The following NDUFAF3 variants were observed in gnomAD, a reference collection of about 807,000 sequenced individuals.
NDUFAF3 encodes the protein NADH dehydrogenase [ubiquinone] 1 alpha subcomplex assembly factor 3.
In NDUFAF3, 21 loss-of-function variants were observed where a neutral mutation model predicts 22.6. That is an observed-to-expected ratio of 0.93 (90% confidence interval 0.66 to 1.34). The LOEUF is 1.34. Among genes scored for constraint, NDUFAF3 ranks in the 40% most tolerant of loss-of-function variants. NDUFAF3 has a pLI of 0.00. For missense variants in NDUFAF3, 251 were observed against 248.4 expected (o/e 1.01, Z -0.07); for synonymous variants, 113 against 104.9 (o/e 1.08, Z -0.47).
At chr3:49,020,644 A>AG (rs775175307), upstream of NDUFAF3, 3 of 488,294 alleles carry the variant, frequency 6.1e-6, no homozygotes, top group Admixed American at 4.5e-5. Flanking sequence ...GACGAAATCC[A>AG]AGCGCAGCTG....
chr3:49,020,721 CG>C (rs761775580), upstream of NDUFAF3: 4 of 477,484 alleles, frequency 8.4e-6, no homozygotes, highest in Non-Finnish European at 1.7e-5. Context: ...TGGCGGGGGG[CG>C]GGGGAGCTCC....
chr3:49,022,325 C>G lies in NDUFAF3; in HGVS notation c.78-21C>G. ...GGGCTGCCCGGCCCGGCCCCGCGCCCCTGACCCTTTCCCTCCGCAGGGCCC... is the reference window on the plus strand; with the variant it reads ...GGGCTGCCCGGCCCGGCCCCGCGCCGCTGACCCTTTCCCTCCGCAGGGCCC... On this transcript the variant is annotated intron_variant, in intron 1 of 4. Coordinates refer to ENST00000326925, the MANE Select transcript of NDUFAF3 (RefSeq NM_199069.2). This position sits in a 1 kb window ranked among gnomAD's most constrained non-coding sequence, Gnocchi z 6.6. The G allele has an allele frequency of 3.1e-6, 5 of 1,610,166 alleles. No individual in the cohort carries two copies. The highest frequency in any genetic ancestry group is 4.2e-6 in the Non-Finnish European group (5 of 1,179,548).
rs778471137 is a variant in NDUFAF3 at position 49,022,311 on chromosome 3, C to T, written c.78-35C>T. ...CCTTCCGGCCTCTCGGGCTGCCCGG[C>T]CCGGCCCCGCGCCCCTGACCCTTTC... is the stretch of plus-strand genomic sequence containing the variant. On this transcript the variant is annotated intron_variant, in intron 1 of 4. Transcript: ENST00000326925. The surrounding 1 kb of genome is among the most constrained non-coding windows in gnomAD (Gnocchi z 6.6). The T allele has an allele frequency of 3.6e-5, 58 of 1,607,154 alleles. No individual in the cohort carries two copies. The highest frequency in any genetic ancestry group is 4.0e-5 in the Non-Finnish European group (47 of 1,178,258).
In NDUFAF3 at chr3:49,022,349, CCCGCGGCGAGGGCATCGGCT is replaced by C; in HGVS notation, c.83_102del (p.Pro28LeufsTer5). On this transcript the variant is annotated frameshift_variant, in exon 2 of 5. Transcript: ENST00000326925. LOFTEE classifies it high-confidence loss of function. The surrounding 1 kb of genome is among the most constrained non-coding windows in gnomAD (Gnocchi z 6.6). ...CCCTGACCCTTTCCCTCCGCAGGGC[CCCGCGGCGAGGGCATCGGCT>C]CTCGCCGGCGGATGACGAGCTGTAT... is the stretch of plus-strand genomic sequence containing the variant. 1 of 1,611,782 alleles carries C rather than the reference CCCGCGGCGAGGGCATCGGCT, an allele frequency of 6.2e-7. No homozygotes were observed. Among genetic ancestry groups the C allele is most frequent in the Non-Finnish European group, 8.5e-7 (1 of 1,179,898 alleles).
chr3:49,022,113 C>T (rs1326681036), upstream of NDUFAF3: 1 of 1,596,246 alleles, frequency 6.3e-7, no homozygotes, highest in Admixed American at 1.7e-5. This position sits in a 1 kb window ranked among gnomAD's most constrained non-coding sequence, Gnocchi z 6.6. Context: ...ACTAACGGCG[C>T]CGGTGACGAC....
chr3:49,022,475 G>A lies in NDUFAF3; in HGVS notation c.207G>A (p.Met69Ile). Residue 69 changes from methionine to isoleucine, a missense_variant, in exon 2 of 5, where the codon ATG (methionine) becomes ATA (isoleucine). Physicochemically the swap from Met to Ile is conservative, Grantham distance 10 (BLOSUM62 1). Coordinates refer to ENST00000326925, the MANE Select transcript of NDUFAF3 (RefSeq NM_199069.2). The surrounding 1 kb of genome is among the most constrained non-coding windows in gnomAD (Gnocchi z 6.6). ...ACAGCTACAACAGCCGCGGCTTCATGATAAACGGAAACCGCGTGCTCGGCC... is the reference window on the plus strand; with the variant it reads ...ACAGCTACAACAGCCGCGGCTTCATAATAAACGGAAACCGCGTGCTCGGCC... The part of the protein sequence containing the change: ...YIDSYNSRGF[M>I]INGNRVLGPC... The A allele has an allele frequency of 6.2e-7, 1 of 1,613,162 alleles. No homozygotes were observed. The highest frequency in any genetic ancestry group is 8.5e-7 in the Non-Finnish European group (1 of 1,179,996).
In NDUFAF3 at chr3:49,022,387, A is replaced by T. The variant is rs772236113; in HGVS notation, c.119A>T (p.Glu40Val). The change falls in exon 2 of 5, where the codon GAG (glutamate) becomes GTG (valine). Residue 40 changes from glutamate (E) to valine (V), a missense_variant. Glu to Val is a moderately radical substitution (Grantham distance 121). Coordinates refer to ENST00000326925, the MANE Select transcript of NDUFAF3 (RefSeq NM_199069.2). The surrounding 1 kb of genome is among the most constrained non-coding windows in gnomAD (Gnocchi z 6.6). ...RGHRLSPADD[E>V]LYQRTRISLL... ...CATCGGCTCTCGCCGGCGGATGACG[A>T]GCTGTATCAGCGGACGCGCATCTCT... The T allele has an allele frequency of 6.2e-7, 1 of 1,612,752 alleles. No homozygotes were observed. Among genetic ancestry groups the T allele is most frequent in the South Asian group, 1.1e-5 (1 of 91,088 alleles).
rs1205785718 is a variant in NDUFAF3, at chr3:49,022,349, C to CCCGCGGCGA, written c.82_90dup (p.Pro28_Arg30dup). On this transcript the variant is annotated inframe_insertion, in exon 2 of 5. Transcript: ENST00000326925. This position sits in a 1 kb window ranked among gnomAD's most constrained non-coding sequence, Gnocchi z 6.6. ...CCCTGACCCTTTCCCTCCGCAGGGC[C>CCCGCGGCGA]CCGCGGCGAGGGCATCGGCTCTCGC... 3.1e-6 allele frequency: 5 copies of CCCGCGGCGA among 1,611,782 alleles called. No individual in the cohort carries two copies. The highest frequency in any genetic ancestry group is 4.2e-6 in the Non-Finnish European group (5 of 1,179,898).
At chr3:49,022,053 G>A, upstream of NDUFAF3, 3 of 1,368,746 alleles carry the variant, frequency 2.2e-6, no homozygotes, top group Non-Finnish European at 3.0e-6. This position sits in a 1 kb window ranked among gnomAD's most constrained non-coding sequence, Gnocchi z 6.6. Flanking sequence ...GACGCAGGGG[G>A]CGCTGCAGCC....
upstream of NDUFAF3, chr3:49,020,529 G>C (rs561404673): frequency 2.3e-6 from 1 of 436,290 alleles, no homozygotes; most frequent in African/African-American, 2.0e-5. Flanking sequence ...TCCAGCCTGA[G>C]GGCGCAACTG....
Position 49,022,257 on chromosome 3 carries a change from C to T in NDUFAF3, c.77+36C>T. On this transcript the variant is annotated intron_variant, in intron 1 of 4. Coordinates refer to ENST00000326925, the MANE Select transcript of NDUFAF3 (RefSeq NM_199069.2). The surrounding 1 kb of genome is among the most constrained non-coding windows in gnomAD (Gnocchi z 6.6). ...ACCCCGCGCCCTCGACCATCCAGCCCCCTAGGGCCGGCGACTGCCAGCCCA... is the reference window on the plus strand; with the variant it reads ...ACCCCGCGCCCTCGACCATCCAGCCTCCTAGGGCCGGCGACTGCCAGCCCA... The T allele has an allele frequency of 3.1e-6, 5 of 1,609,346 alleles. No homozygotes were observed. The East Asian group carries it at 1.1e-4, about 36-fold the overall frequency.
In NDUFAF3 at chr3:49,023,099, G is replaced by A; in HGVS notation, c.482G>A (p.Arg161Gln). 1 of 1,614,142 alleles carries A rather than the reference G, an allele frequency of 6.2e-7. No homozygotes were observed. Among genetic ancestry groups the A allele is most frequent in the South Asian group, 1.1e-5 (1 of 91,070 alleles). ...TTCAACTTCCTGTGTCATGAAGGCC[G>A]AGTAACTGGAGCTGCTCTCATCCCT... ...ATFNFLCHEG[R>Q]VTGAALIPPP... The change falls in exon 5 of 5, where the codon CGA (arginine) becomes CAA (glutamine). Residue 161 changes from arginine to glutamine, a missense_variant. Coordinates refer to ENST00000326925, the MANE Select transcript of NDUFAF3 (RefSeq NM_199069.2).
chr3:49,022,308 C>T lies in NDUFAF3; in HGVS notation c.78-38C>T, dbSNP rs1356466609. ...GCACCTTCCGGCCTCTCGGGCTGCC[C>T]GGCCCGGCCCCGCGCCCCTGACCCT... On this transcript the variant is annotated intron_variant, in intron 1 of 4. Coordinates refer to ENST00000326925, the MANE Select transcript of NDUFAF3 (RefSeq NM_199069.2). The surrounding 1 kb of genome is among the most constrained non-coding windows in gnomAD (Gnocchi z 6.6). 7 of 1,606,940 alleles carry T rather than the reference C, an allele frequency of 4.4e-6. No homozygotes were observed. The highest frequency in any genetic ancestry group is 5.1e-6 in the Non-Finnish European group (6 of 1,178,074).
At chr3:49,022,114 C>G (rs2093163802), upstream of NDUFAF3, 5 of 1,596,850 alleles carry the variant, frequency 3.1e-6, no homozygotes, top group Non-Finnish European at 4.3e-6. The surrounding 1 kb of genome is among the most constrained non-coding windows in gnomAD (Gnocchi z 6.6). Context: ...CTAACGGCGC[C>G]GGTGACGACT....
upstream of NDUFAF3, chr3:49,021,077 GGCCTTTGTCCGGTGAC>G (rs2093152125): frequency 6.3e-6 from 1 of 158,334 alleles, no homozygotes; most frequent in African/African-American, 2.4e-5. This position sits in a 1 kb window ranked among gnomAD's most constrained non-coding sequence, Gnocchi z 4.1. Context: ...CGCGCTCGGT[GGCCTTTGTCCGGTGAC>G]GCTGCCAGCG....
rs779641158 is a variant in NDUFAF3, at chr3:49,022,923, C to T, written c.385C>T (p.Gln129Ter). 4 of 1,614,016 alleles carry T rather than the reference C, an allele frequency of 2.5e-6. No individual in the cohort carries two copies. Among genetic ancestry groups the T allele is most frequent in the South Asian group, 2.2e-5 (2 of 91,082 alleles). ...AGACCGGACCGAGAGGCTGCAGTCC[C>T]AGGTGCTTCAAGCCATGAGGCAGCG... is the stretch of plus-strand genomic sequence containing the variant. ...TGDRTERLQS[Q>*]VLQAMRQRGI... Residue 129 changes from glutamine to a stop codon, truncating the protein, a stop_gained, in exon 4 of 5, where the codon CAG (glutamine) becomes TAG (stop). Coordinates refer to ENST00000326925, the MANE Select transcript of NDUFAF3 (RefSeq NM_199069.2). LOFTEE classifies it high-confidence loss of function. The surrounding 1 kb of genome is among the most constrained non-coding windows in gnomAD (Gnocchi z 6.6).
chr3:49,022,645 G>GA lies in NDUFAF3; in HGVS notation c.271-56dup. ...CCTCTGTCTCCTCCTGCAGTGGATG[G>GA]AGATGGGGAGAGGCTGCGTGGATTT... On this transcript the variant is annotated intron_variant, in intron 2 of 4. Coordinates refer to ENST00000326925, the MANE Select transcript of NDUFAF3 (RefSeq NM_199069.2). The surrounding 1 kb of genome is among the most constrained non-coding windows in gnomAD (Gnocchi z 6.6). 5 of 1,613,466 alleles carry GA rather than the reference G, an allele frequency of 3.1e-6. No homozygotes were observed. Among genetic ancestry groups the GA allele is most frequent in the Non-Finnish European group, 4.2e-6 (5 of 1,179,558 alleles).
chr3:49,022,758 G>T lies in NDUFAF3; in HGVS notation c.327G>T (p.Glu109Asp). The change falls in exon 3 of 5, where the codon GAG (glutamate) becomes GAT (aspartate). Residue 109 changes from glutamate to aspartate, a missense_variant. By Grantham distance (45) the Glu-to-Asp change is conservative. Transcript: ENST00000326925. This position sits in a 1 kb window ranked among gnomAD's most constrained non-coding sequence, Gnocchi z 6.6. ...EDSFSLFWLL[E>D]PRIEIVVVGT... ...GCTTTTCCCTCTTCTGGTTGCTGGA[G>T]CCCCGGATAGGTACTGGGGAAGGGG... 2 of 1,614,052 alleles carry T rather than the reference G, an allele frequency of 1.2e-6. No individual in the cohort carries two copies. The highest frequency in any genetic ancestry group is 8.5e-7 in the Non-Finnish European group (1 of 1,180,032).
upstream of NDUFAF3, chr3:49,021,197 C>T (rs940705214): frequency 6.5e-6 from 1 of 152,710 alleles, no homozygotes; most frequent in African/African-American, 2.4e-5. The surrounding 1 kb of genome is among the most constrained non-coding windows in gnomAD (Gnocchi z 4.1). Context: ...CCACCAGGCT[C>T]CCACTGTGCC....
Sources: allele counts gnomAD v4.1 joint callset, GRCh38; gene constraint gnomAD v4.1.1; non-coding constraint Gnocchi (gnomAD v3.1); transcripts MANE v1.5; gene names NCBI Gene and HGNC (gene_info 2026-07-23, HGNC 2026-07-21).